Variants in RELL1 observed in about 807,000 individuals in gnomAD.
RELL1 encodes RELT like 1, also known as RELT-like protein 1.
In RELL1, 10 loss-of-function variants were observed where a neutral mutation model predicts 23.0. The ratio of observed to expected loss-of-function variants is 0.43; its 90% confidence interval spans 0.27 to 0.74. The LOEUF (loss-of-function observed/expected upper bound fraction) is 0.74, where lower values mean the gene tolerates loss of function less well. Ranked by LOEUF, RELL1 falls within the 30% of genes least tolerant of loss-of-function variation. RELL1 has a pLI of 0.19. For synonymous variants in RELL1, 146 were observed against 146.8 expected (o/e 0.99, Z 0.04); for missense variants, 315 against 364.4 (o/e 0.86, Z 1.10).
At chr4:37,593,769 G>T (rs879843435) in intron 6 of RELL1, among the ~76,000 whole-genome samples, 1 of 152,204 alleles carries the variant, frequency 6.6e-6, no homozygotes, top group Admixed American at 6.5e-5. Context: ...GATACAGCTG[G>T]TTTCAAAAGA....
intron 6 of RELL1, among the ~76,000 whole-genome samples, chr4:37,600,780 C>CGTGCGT (rs1553871084): frequency 1.4e-4 from 21 of 147,568 alleles, no homozygotes; most frequent in Non-Finnish European, 2.5e-4. Flanking sequence ...TGGATTTGTG[C>CGTGCGT]GTGTGTGTGT....
chr4:37,644,925 A>G (rs1577585949), intron 3 of RELL1, among the ~76,000 whole-genome samples: 1 of 152,110 alleles, frequency 6.6e-6, no homozygotes, highest in Non-Finnish European at 1.5e-5. Flanking sequence ...GAACCAGAAC[A>G]CCTGAGCTCC....
chr4:37,671,970 T>C (rs1721850309), intron 1 of RELL1, among the ~76,000 whole-genome samples: 1 of 152,186 alleles, frequency 6.6e-6, no homozygotes, highest in South Asian at 2.1e-4. Context: ...ATGGTAGAGA[T>C]TCATAGGGCA....
intron 1 of RELL1, among the ~76,000 whole-genome samples, chr4:37,666,771 A>G (rs1330166658): frequency 2.0e-5 from 3 of 152,206 alleles, no homozygotes; most frequent in African/African-American, 7.2e-5. Flanking sequence ...ACATCCCCAC[A>G]TGCAAGCCAG....
At chr4:37,681,472 T>C (rs1722218371) in intron 1 of RELL1, among the ~76,000 whole-genome samples, 2 of 148,470 alleles carry the variant, frequency 1.3e-5, no homozygotes, top group East Asian at 3.9e-4. Flanking sequence ...GGTGAGGAAA[T>C]GGAGGTGGAC....
intron 1 of RELL1, among the ~76,000 whole-genome samples, chr4:37,680,703 C>T (rs1221672): frequency 6.6e-6 from 1 of 151,862 alleles, no homozygotes; most frequent in African/African-American, 2.4e-5. Flanking sequence ...CCGAGGCGGG[C>T]GGATCATGAG....
At chr4:37,634,129 G>A (rs1720234902) in intron 5 of RELL1, among the ~76,000 whole-genome samples, 1 of 152,202 alleles carries the variant, frequency 6.6e-6, no homozygotes. Flanking sequence ...GATGCTTCAG[G>A]TAAGGGCCAA....
At chr4:37,626,526 C>A (rs1719953719) in intron 6 of RELL1, among the ~76,000 whole-genome samples, 1 of 152,074 alleles carries the variant, frequency 6.6e-6, no homozygotes, top group South Asian at 2.1e-4. Flanking sequence ...ATCCAACAAT[C>A]CCACTTCTCA....
intron 4 of RELL1, among the ~76,000 whole-genome samples, chr4:37,636,361 C>T (rs146930279): frequency 0.021 from 3,162 of 152,120 alleles, 58 homozygotes; most frequent in Admixed American, 0.045. Context: ...TTTGGGAAGC[C>T]GAAGCGGGCA....
chr4:37,656,972 C>T (rs1418059661), intron 1 of RELL1, among the ~76,000 whole-genome samples: 1 of 152,172 alleles, frequency 6.6e-6, no homozygotes, highest in Admixed American at 6.5e-5. Context: ...AATGAAGACA[C>T]AACCCAAGAG....
chr4:37,675,974 G>A (rs1577610187), intron 1 of RELL1, among the ~76,000 whole-genome samples: 2 of 152,306 alleles, frequency 1.3e-5, no homozygotes, highest in South Asian at 2.1e-4. Flanking sequence ...GGGAACCACT[G>A]CTGTTGCTTT....
intron 1 of RELL1, among the ~76,000 whole-genome samples, chr4:37,656,845 T>C (rs1021350070): frequency 2.6e-5 from 4 of 152,232 alleles, no homozygotes; most frequent in African/African-American, 9.6e-5. Context: ...AAGAGGCCCT[T>C]ACCAGATATG....
intron 6 of RELL1, among the ~76,000 whole-genome samples, chr4:37,623,818 T>C (rs1033975040): frequency 6.6e-6 from 1 of 152,178 alleles, no homozygotes; most frequent in Non-Finnish European, 1.5e-5. Context: ...CTTTTTATAT[T>C]CTGTTGCCCC....
rs978979386 is a variant in RELL1, at chr4:37,669,930, A to G, written c.88+16270T>C. 2.8e-3 allele frequency among the ~76,000 whole-genome samples: 428 copies of G among 151,698 alleles called. 3 individuals are homozygous for G. Among genetic ancestry groups the G allele is most frequent in the African/African-American group, 9.9e-3 (409 of 41,304 alleles). ...GGCCGCAGGGTCCTCTGCCTAGGAA[A>G]ACCAGAGACCTTTGTTCACTTGTTT... On this transcript the variant is annotated intron_variant, in intron 1 of 6. Transcript: ENST00000454158.
At chr4:37,648,445 T>C (rs567776121) in intron 2 of RELL1, among the ~76,000 whole-genome samples, 2 of 152,294 alleles carry the variant, frequency 1.3e-5, no homozygotes, top group Admixed American at 1.3e-4. Context: ...GGCGACCTAC[T>C]CCAATGTCAC....
chr4:37,626,608 T>A (rs2109251585), intron 6 of RELL1, among the ~76,000 whole-genome samples: 1 of 152,232 alleles, frequency 6.6e-6, no homozygotes, highest in African/African-American at 2.4e-5. Flanking sequence ...TGCTGCATTA[T>A]CCCAATAGCC....
At chr4:37,643,029 C>T (rs1459140020) in intron 3 of RELL1, among the ~76,000 whole-genome samples, 1 of 152,180 alleles carries the variant, frequency 6.6e-6, no homozygotes, top group African/African-American at 2.4e-5. Context: ...TCCTGTAACC[C>T]ATTCTAGGAT....
At chr4:37,631,328 T>C (rs1442452772) in intron 6 of RELL1, 57 bp downstream of exon 6, 1 of 1,538,316 alleles carries the variant, frequency 6.5e-7, no homozygotes, top group East Asian at 2.3e-5. Context: ...AGGCTCCAAG[T>C]ACCTTCTCCT....
At chr4:37,593,598 C>G (rs1306165647) in intron 6 of RELL1, among the ~76,000 whole-genome samples, 2 of 152,222 alleles carry the variant, frequency 1.3e-5, no homozygotes, top group African/African-American at 4.8e-5. Flanking sequence ...TTGGCCACAT[C>G]TAGCTGCAAG....
Sources: allele counts gnomAD v4.1 joint callset (sites outside exome capture counted in the v4.1 genomes callset), GRCh38; gene constraint gnomAD v4.1.1; transcripts MANE v1.5; gene names NCBI Gene and HGNC (gene_info 2026-07-23, HGNC 2026-07-21).